CORIN: variants seen among roughly 807,000 people sequenced by gnomAD.
The protein encoded by CORIN is corin, serine peptidase.
Under a neutral mutation model 125.3 loss-of-function variants are expected in CORIN, and 117 were observed. That is an observed-to-expected ratio of 0.93 (90% CI 0.80 to 1.09). The LOEUF (loss-of-function observed/expected upper bound fraction) is 1.09. CORIN is among the 50% of genes least tolerant of loss of function. The pLI, the probability that CORIN is intolerant of heterozygous loss-of-function variation, is 0.00. For synonymous variants in CORIN, 450 were observed against 466.4 expected, an observed-to-expected ratio of 0.96 and a Z score of 0.45; for missense variants, 1,253 against 1,306.7, an observed-to-expected ratio of 0.96 and a Z score of 0.63.
chr4:47,825,580 C>G (rs1732709785), intron 1 of CORIN, among the ~76,000 whole-genome samples: 1 of 152,058 alleles, frequency 6.6e-6, no homozygotes, highest in African/African-American at 2.4e-5. Flanking sequence ...TTGAATCCCA[C>G]CAAGCCCACA....
intron 1 of CORIN, among the ~76,000 whole-genome samples, chr4:47,835,322 A>G (rs1455315043): frequency 6.6e-6 from 1 of 152,200 alleles, no homozygotes. Context: ...TACTTGTTGA[A>G]TAACTTATTA....
chr4:47,814,193 C>A (rs1038586587), intron 1 of CORIN, among the ~76,000 whole-genome samples: 1 of 152,134 alleles, frequency 6.6e-6, no homozygotes, highest in African/African-American at 2.4e-5. Flanking sequence ...GTGACTCCTA[C>A]TGGTGTGTCC....
At chr4:47,755,987 A>G (rs1729122557) in intron 4 of CORIN, among the ~76,000 whole-genome samples, 1 of 152,228 alleles carries the variant, frequency 6.6e-6, no homozygotes, top group Non-Finnish European at 1.5e-5. Flanking sequence ...AGTGTTCTGA[A>G]CAATGGGTAT....
intron 4 of CORIN, among the ~76,000 whole-genome samples, chr4:47,747,148 C>T (rs1728699593): frequency 6.6e-6 from 1 of 152,036 alleles, no homozygotes; most frequent in Admixed American, 6.6e-5. Flanking sequence ...GCCACCTCTA[C>T]CAGAGTGCTT....
chr4:47,759,027 C>T (rs899187562), intron 4 of CORIN, among the ~76,000 whole-genome samples: 7 of 152,070 alleles, frequency 4.6e-5, no homozygotes, highest in African/African-American at 1.7e-4. Flanking sequence ...TGGAATGGAA[C>T]CAAGATCCAA....
intron 2 of CORIN, among the ~76,000 whole-genome samples, chr4:47,795,734 A>C: frequency 6.6e-6 from 1 of 152,104 alleles, no homozygotes; most frequent in East Asian, 1.9e-4. Context: ...AAATATGTAA[A>C]AATAAGAAAC....
intron 2 of CORIN, among the ~76,000 whole-genome samples, chr4:47,793,474 C>G (rs1731165451): frequency 6.6e-6 from 1 of 152,014 alleles, no homozygotes; most frequent in Non-Finnish European, 1.5e-5. Context: ...GGCAGAGATA[C>G]TGAAGGATAA....
intron 5 of CORIN, among the ~76,000 whole-genome samples, chr4:47,735,549 C>T (rs1047601498): frequency 5.9e-5 from 9 of 151,974 alleles, no homozygotes; most frequent in African/African-American, 2.2e-4. Context: ...CAATCTCTTC[C>T]AAGATTAGAA....
chr4:47,659,524 C>T (rs1724150711), intron 12 of CORIN, among the ~76,000 whole-genome samples: 1 of 152,122 alleles, frequency 6.6e-6, no homozygotes, highest in Admixed American at 6.5e-5. Context: ...CAGTGAAAAG[C>T]AAAAGGGAAG....
At chr4:47,631,203 A>G (rs1338016382) in intron 16 of CORIN, among the ~76,000 whole-genome samples, 1 of 152,178 alleles carries the variant, frequency 6.6e-6, no homozygotes, top group Non-Finnish European at 1.5e-5. Context: ...TTTAAAAAAT[A>G]ATGTCTACAG....
At chr4:47,815,007 G>A (rs143766804) in intron 1 of CORIN, among the ~76,000 whole-genome samples, 8 of 152,166 alleles carry the variant, frequency 5.3e-5, no homozygotes, top group Admixed American at 6.5e-5. Flanking sequence ...AACCCAGTAC[G>A]CAGGCACCAT....
chr4:47,807,823 A>G (rs902282984), intron 1 of CORIN, among the ~76,000 whole-genome samples: 1 of 152,244 alleles, frequency 6.6e-6, no homozygotes, highest in African/African-American at 2.4e-5. Context: ...TAAAGCAGTG[A>G]CTTCAAAAAA....
chr4:47,692,934 T>C (rs1577833833), intron 6 of CORIN, 36 bp downstream of exon 6: 1 of 1,453,252 alleles, frequency 6.9e-7, no homozygotes, highest in East Asian at 2.3e-5. Context: ...AGAATCCCTG[T>C]CCACTCAGAC....
At chr4:47,816,392 G>A (rs1293562320) in intron 1 of CORIN, among the ~76,000 whole-genome samples, 1 of 152,104 alleles carries the variant, frequency 6.6e-6, no homozygotes, top group Non-Finnish European at 1.5e-5. Flanking sequence ...ACACGTCTAT[G>A]TGACATGTTA....
intron 5 of CORIN, among the ~76,000 whole-genome samples, chr4:47,696,278 G>T (rs1252210119): frequency 6.6e-6 from 1 of 152,136 alleles, no homozygotes; most frequent in East Asian, 1.9e-4. Context: ...GATTCCATGA[G>T]AAGTCATGCT....
At chr4:47,817,299 TA>T (rs1732315698) in intron 1 of CORIN, among the ~76,000 whole-genome samples, 1 of 149,494 alleles carries the variant, frequency 6.7e-6, no homozygotes, top group Non-Finnish European at 1.5e-5. Flanking sequence ...TAACAAAATA[TA>T]TATATATATA....
chr4:47,678,897 A>G, intron 8 of CORIN, among the ~76,000 whole-genome samples: 1 of 152,238 alleles, frequency 6.6e-6, no homozygotes, highest in East Asian at 1.9e-4. Flanking sequence ...CACTGTGTCC[A>G]CTAGGCAAGG....
At chr4:47,632,737 A>AGATAGAT (rs1553905913) in intron 16 of CORIN, among the ~76,000 whole-genome samples, 26 of 111,784 alleles carry the variant, frequency 2.3e-4, no homozygotes, top group African/African-American at 7.8e-4. Flanking sequence ...ATAGATAGAT[A>AGATAGAT]GATAGATAGA....
chr4:47,639,216 T>C (rs1248656653), intron 16 of CORIN, among the ~76,000 whole-genome samples: 1 of 152,226 alleles, frequency 6.6e-6, no homozygotes, highest in Non-Finnish European at 1.5e-5. Context: ...GAATGAGTGA[T>C]ACAACAAATT....
Sources: gnomAD v4.1 joint callset for allele counts (sites outside exome capture counted in the v4.1 genomes callset) on GRCh38, gnomAD v4.1.1 for gene constraint, MANE v1.5 for transcripts, NCBI Gene and HGNC (gene_info 2026-07-23, HGNC 2026-07-21) for gene names.